The following CCDC33 variants were observed in gnomAD, a reference collection of about 807,000 sequenced individuals.
CCDC33 encodes the protein coiled-coil domain containing 33, also known as coiled-coil domain-containing protein 33.
Under a neutral mutation model 91.9 loss-of-function variants are expected in CCDC33, and 94 were observed. The ratio of observed to expected loss-of-function variants is 1.02; its 90% confidence interval spans 0.87 to 1.21. The LOEUF (loss-of-function observed/expected upper bound fraction) is 1.21, where lower values mean the gene tolerates loss of function less well. Among genes scored for constraint, CCDC33 ranks in the 50% most tolerant of loss-of-function variants. CCDC33 has a pLI of 0.00. For synonymous variants in CCDC33, 396 were observed against 374.5 expected (o/e 1.06, Z -0.66); for missense variants, 940 against 935.5 (o/e 1.00, Z -0.06).
At position 74,334,957 on chromosome 15, in the gene CCDC33, C is replaced by A; in HGVS notation, c.2026-18C>A. 6.3e-7 allele frequency: 1 copy of A among 1,588,586 alleles called. No homozygotes were observed. Among genetic ancestry groups the A allele is most frequent in the South Asian group, 1.1e-5 (1 of 90,548 alleles). On this transcript the variant is annotated intron_variant, in intron 17 of 18. Transcript: ENST00000398814. Reference sequence around the variant, plus strand: ...CTGCTGCCCATGGTCCTCCAATTGTCCCTCTCTGTGTCTGCAGTTAGAGGA... The same window carrying A: ...CTGCTGCCCATGGTCCTCCAATTGTACCTCTCTGTGTCTGCAGTTAGAGGA...
chr15:74,271,637 C>T, intron 5 of CCDC33, 66 bp from the exon 6 acceptor site: 11 of 1,231,874 alleles, frequency 8.9e-6, no homozygotes, highest in South Asian at 1.2e-5. Context: ...GGCAGTCTGG[C>T]TGGCTGTCTC....
intron 11 of CCDC33, among the ~76,000 whole-genome samples, chr15:74,317,714 C>T (rs955655425): frequency 1.3e-5 from 2 of 152,142 alleles, no homozygotes; most frequent in Non-Finnish European, 2.9e-5. Context: ...GCCTTTGGGA[C>T]CAAGCTTGTC....
intron 11 of CCDC33, among the ~76,000 whole-genome samples, chr15:74,318,089 G>A (rs539072365): frequency 1.9e-4 from 28 of 151,276 alleles, no homozygotes; most frequent in Non-Finnish European, 2.4e-4. Flanking sequence ...GCTGCTGCGG[G>A]GTGGGGAGGA....
chr15:74,324,170 G>A (rs539145658), intron 11 of CCDC33, among the ~76,000 whole-genome samples: 3 of 150,568 alleles, frequency 2.0e-5, no homozygotes, highest in Non-Finnish European at 4.4e-5. Context: ...ACCTGAGCAT[G>A]CCTCTCGAAT....
intron 11 of CCDC33, chr15:74,301,680 A>C (rs1042735622): frequency 2.6e-5 from 4 of 152,304 alleles, no homozygotes; most frequent in African/African-American, 9.7e-5. Flanking sequence ...CAGGCAAGGA[A>C]GTCTTCCTGG....
At chr15:74,243,223 G>A (rs547709693) in intron 1 of CCDC33, among the ~76,000 whole-genome samples, 8 of 152,370 alleles carry the variant, frequency 5.3e-5, no homozygotes, top group Non-Finnish European at 4.4e-5. Context: ...TCACCTCCAC[G>A]TAATGCACTG....
intron 8 of CCDC33, 24 bp from the exon 9 acceptor site, chr15:74,280,644 C>A (rs1327205080): frequency 6.9e-6 from 10 of 1,443,116 alleles, no homozygotes; most frequent in Non-Finnish European, 8.2e-6. Context: ...TTGGCAGGAG[C>A]CCTAGTTGAT....
intron 11 of CCDC33, among the ~76,000 whole-genome samples, chr15:74,297,867 C>T (rs2059718697): frequency 1.3e-5 from 2 of 152,226 alleles, no homozygotes; most frequent in Non-Finnish European, 1.5e-5. Flanking sequence ...AGGGGCCAAC[C>T]AGCCAACCCT....
chr15:74,269,530 G>A (rs957668902), intron 5 of CCDC33, among the ~76,000 whole-genome samples: 11 of 152,126 alleles, frequency 7.2e-5, no homozygotes, highest in Non-Finnish European at 1.3e-4. Flanking sequence ...CTTTCCTGAG[G>A]ACAGCCAGCA....
chr15:74,268,194 T>C, intron 4 of CCDC33, 148 bp from the exon 5 acceptor site: 1 of 649,628 alleles, frequency 1.5e-6, no homozygotes, highest in Non-Finnish European at 2.8e-6. Flanking sequence ...TTGGAAGGGC[T>C]CACAGGGACC....
At chr15:74,221,274 G>C (rs1275903559) in intron 2 of CCDC33, 9 of 924,254 alleles carry the variant, frequency 9.7e-6, no homozygotes, top group Non-Finnish European at 1.1e-5. Flanking sequence ...ATGGGGGGCA[G>C]TGGAGCAGGG....
exon 1 of CCDC33, chr15:74,217,560 T>C (rs2142136267): frequency 1.6e-6 from 2 of 1,251,142 alleles, no homozygotes; most frequent in South Asian, 1.3e-5. Flanking sequence ...CAGGAGCAAG[T>C]TTATCTTTAC....
At chr15:74,264,319 G>A (rs1460533205) in intron 3 of CCDC33, among the ~76,000 whole-genome samples, 2 of 152,188 alleles carry the variant, frequency 1.3e-5, no homozygotes, top group Non-Finnish European at 2.9e-5. Context: ...AAGCAGGCGG[G>A]TGGCAGAAAT....
chr15:74,310,827 G>A (rs144962585), intron 11 of CCDC33, among the ~76,000 whole-genome samples: 2 of 152,324 alleles, frequency 1.3e-5, no homozygotes, highest in African/African-American at 4.8e-5. Context: ...AAAGAGGCTG[G>A]GTGACAGGCA....
At chr15:74,209,272 C>A (rs889892518) in intron 1 of CCDC33, 12 of 1,257,064 alleles carry the variant, frequency 9.5e-6, no homozygotes, top group African/African-American at 1.5e-5. Context: ...CCCTCAGAGT[C>A]ACCTCAGTGG....
intron 2 of CCDC33, among the ~76,000 whole-genome samples, chr15:74,246,918 G>A (rs1282517825): frequency 2.0e-5 from 3 of 152,088 alleles, no homozygotes; most frequent in Non-Finnish European, 4.4e-5. Flanking sequence ...GGGCCGAGGT[G>A]GGCGGATCAC....
chr15:74,285,497 T>C (rs772592641), intron 10 of CCDC33, among the ~76,000 whole-genome samples: 2 of 152,064 alleles, frequency 1.3e-5, no homozygotes, highest in Admixed American at 6.6e-5. Context: ...GTGATAGAAA[T>C]GGCCACCCCA....
intron 11 of CCDC33, among the ~76,000 whole-genome samples, chr15:74,313,421 T>C (rs1279707306): frequency 1.7e-4 from 23 of 137,300 alleles, no homozygotes; most frequent in South Asian, 1.3e-3. Context: ...CTTTCTTTTT[T>C]TTTTTTTTTT....
At chr15:74,318,449 C>T in intron 11 of CCDC33, 1 of 552,112 alleles carries the variant, frequency 1.8e-6, no homozygotes, top group Admixed American at 4.0e-5. Flanking sequence ...CCAGACACCC[C>T]CCACCCTGGA....
Sources: allele counts gnomAD v4.1 joint callset (sites outside exome capture counted in the v4.1 genomes callset), GRCh38; gene constraint gnomAD v4.1.1; transcripts MANE v1.5; gene names NCBI Gene and HGNC (gene_info 2026-07-23, HGNC 2026-07-21).